Variants in RAB38 observed in about 807,000 individuals in gnomAD.
The protein encoded by RAB38 is RAB38, member RAS oncogene family.
In RAB38, 15 loss-of-function variants were observed where a neutral mutation model predicts 18.4. The observed-to-expected ratio is 0.82, with a 90% CI of 0.55 to 1.26. RAB38 has a LOEUF of 1.26. Ranked by LOEUF, RAB38 falls within the 50% of genes most tolerant of loss-of-function variation. The probability of loss-of-function intolerance (pLI) is 0.00; values close to 1 mark genes in which losing one functional copy is unlikely to be tolerated. For synonymous variants in RAB38, 101 were observed against 104.4 expected (o/e 0.97, Z 0.20); for missense variants, 294 against 267.4 (o/e 1.10, Z -0.69).
rs560706498 is a variant in RAB38 at position 88,147,523 on chromosome 11, G to C, written c.483+2152C>G. 1.4e-4 allele frequency among the ~76,000 whole-genome samples: 21 copies of C among 151,380 alleles called. No individual in the cohort carries two copies. The South Asian group carries it at 4.0e-3, about 29-fold the overall frequency. The stretch of plus-strand genomic sequence containing the variant: ...CAACTTTGGAGTGAAATTGAGTGTG[G>C]CGCTAAAAGGAAATGAAAATAAGTG... On this transcript the variant is annotated intron_variant, in intron 2 of 2. Coordinates refer to ENST00000243662, the MANE Select transcript of RAB38 (RefSeq NM_022337.3).
At chr11:88,101,845 A>G in the RAB38 span, among the ~76,000 whole-genome samples, 3 of 146,090 alleles carry the variant, frequency 2.1e-5, no homozygotes, top group Non-Finnish European at 4.4e-5. Context: ...TAATTACACT[A>G]TTATATTTAT....
the RAB38 span, among the ~76,000 whole-genome samples, chr11:87,936,481 C>A: frequency 6.6e-6 from 1 of 152,104 alleles, no homozygotes; most frequent in Non-Finnish European, 1.5e-5. Context: ...CTTCTGGGTT[C>A]TTCTGTTCCA....
the RAB38 span, among the ~76,000 whole-genome samples, chr11:87,840,373 G>T: frequency 6.6e-6 from 1 of 152,320 alleles, no homozygotes; most frequent in Non-Finnish European, 1.5e-5. Flanking sequence ...AGGTGGCCAA[G>T]TGGTAACTAA....
chr11:88,067,958 C>T, the RAB38 span, among the ~76,000 whole-genome samples: 1 of 137,952 alleles, frequency 7.2e-6, no homozygotes, highest in Non-Finnish European at 1.5e-5. Flanking sequence ...CATATATATA[C>T]TTATATATAT....
the RAB38 span, among the ~76,000 whole-genome samples, chr11:88,052,968 T>C: frequency 8.6e-6 from 1 of 116,578 alleles, no homozygotes; most frequent in South Asian, 2.4e-4. Context: ...ATATATATGA[T>C]ATATATGTTA....
At chr11:87,819,432 G>A in the RAB38 span, among the ~76,000 whole-genome samples, 19 of 150,240 alleles carry the variant, frequency 1.3e-4, no homozygotes, top group East Asian at 3.5e-3. Flanking sequence ...AAAATGAGGA[G>A]TCAAAGTTAC....
the RAB38 span, among the ~76,000 whole-genome samples, chr11:88,003,961 C>G: frequency 9.5e-6 from 1 of 105,450 alleles, no homozygotes; most frequent in Non-Finnish European, 1.9e-5. Context: ...ATATATATAC[C>G]TATATATAAA....
At chr11:87,956,095 A>AAAAAC in the RAB38 span, among the ~76,000 whole-genome samples, 1 of 127,468 alleles carries the variant, frequency 7.8e-6, no homozygotes, top group Non-Finnish European at 1.6e-5. Context: ...AATAATTTTT[A>AAAAAC]AAAACAAACA....
chr11:88,085,510 T>TA, the RAB38 span, among the ~76,000 whole-genome samples: 2 of 151,914 alleles, frequency 1.3e-5, no homozygotes, highest in African/African-American at 4.8e-5. Flanking sequence ...CTACCTTGTC[T>TA]AAATGGTATA....
At chr11:88,115,405 T>C (rs1315324811) in intron 2 of RAB38, 1 of 152,168 alleles carries the variant, frequency 6.6e-6, no homozygotes, top group African/African-American at 2.4e-5. Context: ...ACTTGGAAAA[T>C]ATAAGAAGTA....
At chr11:87,945,239 A>G in the RAB38 span, among the ~76,000 whole-genome samples, 1 of 152,156 alleles carries the variant, frequency 6.6e-6, no homozygotes, top group African/African-American at 2.4e-5. Flanking sequence ...CAATTTTGCA[A>G]TTAGCATTAC....
chr11:88,094,078 T>G, the RAB38 span, among the ~76,000 whole-genome samples: 5 of 151,776 alleles, frequency 3.3e-5, no homozygotes, highest in Admixed American at 2.6e-4. Context: ...ATTTTACACA[T>G]GTTGACAGCT....
chr11:87,832,404 C>A, the RAB38 span, among the ~76,000 whole-genome samples: 1 of 152,276 alleles, frequency 6.6e-6, no homozygotes, highest in Middle Eastern at 3.4e-3. Flanking sequence ...GGTTTCTGTG[C>A]TCCTGGTTTC....
At chr11:88,017,704 A>T in the RAB38 span, among the ~76,000 whole-genome samples, 54 of 144,978 alleles carry the variant, frequency 3.7e-4, no homozygotes, top group Admixed American at 1.2e-3. Context: ...ATTGTATTTT[A>T]TATATATATA....
chr11:87,818,392 A>G, the RAB38 span, among the ~76,000 whole-genome samples: 2 of 152,092 alleles, frequency 1.3e-5, no homozygotes, highest in Admixed American at 6.6e-5. Flanking sequence ...AGGTCATTTA[A>G]TTTTCTCAAG....
chr11:88,079,266 C>T, the RAB38 span, among the ~76,000 whole-genome samples: 2 of 151,536 alleles, frequency 1.3e-5, no homozygotes, highest in Non-Finnish European at 3.0e-5. Flanking sequence ...GTCCAACAGA[C>T]ATTATCAGAA....
In RAB38 at chr11:88,174,492, A is replaced by G. The variant is rs906204776; in HGVS notation, c.202+691T>C. On this transcript the variant is annotated intron_variant, in intron 1 of 2. Transcript: ENST00000243662. ...CCTTACATAAAAATGGCCTTAAAAT[A>G]TACACACAACCTCCTTTTCATAGAA... 2.6e-5 allele frequency among the ~76,000 whole-genome samples: 4 copies of G among 152,280 alleles called. No homozygotes were observed. In the East Asian group the frequency reaches 7.7e-4, roughly 29 times the overall value.
chr11:87,873,922 G>GTGTGTATA, the RAB38 span, among the ~76,000 whole-genome samples: 504 of 103,106 alleles, frequency 4.9e-3, 14 homozygotes, highest in African/African-American at 0.018. Context: ...GTGTGTGTGT[G>GTGTGTATA]TATATATATA....
chr11:88,146,205 G>T (rs1942983500), intron 2 of RAB38, among the ~76,000 whole-genome samples: 1 of 152,164 alleles, frequency 6.6e-6, no homozygotes. Context: ...ATTTCCCTCA[G>T]CAGTGGGGTC....
Sources: allele counts gnomAD v4.1 joint callset (sites outside exome capture counted in the v4.1 genomes callset), GRCh38; gene constraint gnomAD v4.1.1; transcripts MANE v1.5; gene names NCBI Gene and HGNC (gene_info 2026-07-23, HGNC 2026-07-21).